GUCY1A2: variants seen among roughly 807,000 people sequenced by gnomAD.
GUCY1A2 encodes guanylate cyclase 1 soluble subunit alpha 2, also known as guanylate cyclase soluble subunit alpha-2.
A neutral mutation model predicts 63.5 loss-of-function variants in GUCY1A2; 27 were observed. The ratio of observed to expected loss-of-function variants is 0.43; its 90% confidence interval spans 0.31 to 0.59. The LOEUF (loss-of-function observed/expected upper bound fraction) is 0.59, where lower values mean the gene tolerates loss of function less well. Ranked by LOEUF, GUCY1A2 falls within the 20% of genes least tolerant of loss-of-function variation. GUCY1A2 has a pLI of 0.11. For synonymous variants in GUCY1A2, 364 were observed against 343.5 expected, an observed-to-expected ratio of 1.06 and a Z score of -0.66; for missense variants, 768 against 913.3, an observed-to-expected ratio of 0.84 and a Z score of 2.05.
In GUCY1A2 at chr11:106,918,509, A is replaced by G. The variant is rs1469656578; in HGVS notation, c.1206+20951T>C. On this transcript the variant is annotated intron_variant, in intron 4 of 7. Coordinates refer to ENST00000526355, the MANE Select transcript of GUCY1A2 (RefSeq NM_000855.3). ...CATATTCTTCCTCGCCATGGACATC[A>G]GACATACATAAACACACACAAATTC... is the stretch of plus-strand genomic sequence containing the variant. Among the ~76,000 whole-genome samples, 2 of 145,792 alleles carry G rather than the reference A, an allele frequency of 1.4e-5. 1 individual carries two copies. Among genetic ancestry groups the G allele is most frequent in the Non-Finnish European group, 3.1e-5 (2 of 64,894 alleles).
At chr11:106,726,985 A>G (rs570761880) in intron 6 of GUCY1A2, among the ~76,000 whole-genome samples, 120 of 152,330 alleles carry the variant, frequency 7.9e-4, no homozygotes, top group African/African-American at 2.8e-3. Context: ...AATATTTAAA[A>G]GATTCGTAAT....
chr11:106,842,659 G>C (rs1859215795), intron 4 of GUCY1A2, among the ~76,000 whole-genome samples: 1 of 151,950 alleles, frequency 6.6e-6, no homozygotes, highest in African/African-American at 2.4e-5. Context: ...AGTTGCATCT[G>C]TATTTAGAGC....
chr11:106,715,253 A>T (rs1210490888), intron 6 of GUCY1A2, among the ~76,000 whole-genome samples: 1 of 152,208 alleles, frequency 6.6e-6, no homozygotes, highest in Non-Finnish European at 1.5e-5. Context: ...GCACAGTTCC[A>T]TCTCAGCAAG....
At chr11:107,002,316 A>C (rs927409902) in intron 1 of GUCY1A2, among the ~76,000 whole-genome samples, 6 of 152,012 alleles carry the variant, frequency 3.9e-5, no homozygotes, top group Non-Finnish European at 8.8e-5. Flanking sequence ...CCTTTCTACC[A>C]GTATCAAAAA....
chr11:106,985,676 G>A (rs893803520), intron 2 of GUCY1A2, among the ~76,000 whole-genome samples: 2 of 152,170 alleles, frequency 1.3e-5, no homozygotes, highest in African/African-American at 2.4e-5. Context: ...ACTGAACTGT[G>A]TTAAGGCTGT....
chr11:106,808,189 T>G (rs912066834), intron 5 of GUCY1A2, among the ~76,000 whole-genome samples: 14 of 151,948 alleles, frequency 9.2e-5, no homozygotes, highest in Non-Finnish European at 4.4e-5. Flanking sequence ...CCTGGAATCT[T>G]TAGTTGTAAT....
intron 4 of GUCY1A2, among the ~76,000 whole-genome samples, chr11:106,852,223 A>T (rs1237411141): frequency 6.6e-6 from 1 of 151,868 alleles, no homozygotes; most frequent in African/African-American, 2.4e-5. Flanking sequence ...TGGGGTCTTT[A>T]GGTTTTCTTA....
intron 4 of GUCY1A2, among the ~76,000 whole-genome samples, chr11:106,915,897 A>C: frequency 6.9e-6 from 1 of 144,772 alleles, no homozygotes; most frequent in African/African-American, 2.4e-5. Context: ...TCTGGGACCT[A>C]ACCTGAAATA....
At chr11:106,722,132 C>T (rs1327529328) in intron 6 of GUCY1A2, among the ~76,000 whole-genome samples, 1 of 152,070 alleles carries the variant, frequency 6.6e-6, no homozygotes, top group Non-Finnish European at 1.5e-5. Flanking sequence ...TTCCTCTTTC[C>T]CTCTTCTAAA....
At chr11:106,999,601 G>A (rs144861821) in intron 1 of GUCY1A2, among the ~76,000 whole-genome samples, 2,060 of 152,130 alleles carry the variant, frequency 0.014, 28 homozygotes, top group South Asian at 0.045. Context: ...CCTTATTAGC[G>A]GATTCATATT....
intron 6 of GUCY1A2, among the ~76,000 whole-genome samples, chr11:106,745,925 T>A (rs1379501074): frequency 6.6e-6 from 1 of 152,256 alleles, no homozygotes; most frequent in Non-Finnish European, 1.5e-5. Flanking sequence ...TTGTAGGCTT[T>A]TGCTTTGAAG....
At chr11:106,827,816 A>C (rs1055541648) in intron 4 of GUCY1A2, 56 of 1,597,496 alleles carry the variant, frequency 3.5e-5, no homozygotes, top group Non-Finnish European at 4.5e-5. Flanking sequence ...ACTGCTCCGC[A>C]CAAGTGACGC....
chr11:106,704,748 A>G (rs558457951), intron 7 of GUCY1A2, among the ~76,000 whole-genome samples: 12 of 152,136 alleles, frequency 7.9e-5, no homozygotes, highest in Non-Finnish European at 8.8e-5. Flanking sequence ...ATTTATTTCA[A>G]AATTTGCTAA....
At chr11:106,972,627 G>C (rs1205017588) in intron 3 of GUCY1A2, among the ~76,000 whole-genome samples, 1 of 152,030 alleles carries the variant, frequency 6.6e-6, no homozygotes, top group Non-Finnish European at 1.5e-5. Flanking sequence ...AATTTAGCAG[G>C]ACAAATGGGA....
intron 4 of GUCY1A2, among the ~76,000 whole-genome samples, chr11:106,894,366 C>T (rs998302929): frequency 3.9e-5 from 6 of 152,184 alleles, no homozygotes; most frequent in African/African-American, 1.4e-4. Context: ...GAGACTTCAA[C>T]ACCACTGTAC....
chr11:106,980,663 G>A (rs1442674944), intron 2 of GUCY1A2, among the ~76,000 whole-genome samples: 1 of 152,188 alleles, frequency 6.6e-6, no homozygotes, highest in Non-Finnish European at 1.5e-5. Flanking sequence ...GAAATACTTG[G>A]AAAACAGAGC....
intron 4 of GUCY1A2, among the ~76,000 whole-genome samples, chr11:106,812,605 G>A (rs1158943489): frequency 6.6e-6 from 1 of 151,622 alleles, no homozygotes; most frequent in Non-Finnish European, 1.5e-5. Flanking sequence ...TGTGGAATTA[G>A]TGTATGTATG....
In GUCY1A2 at chr11:106,709,173, CTATA is replaced by C. The variant is rs1565264464; in HGVS notation, c.1837-511_1837-508del. Among the ~76,000 whole-genome samples, 4 of 117,316 alleles carry C rather than the reference CTATA, an allele frequency of 3.4e-5. No homozygotes were observed. The East Asian group carries it at 9.3e-4, about 27-fold the overall frequency. The allele number at this position is 117,316 out of a possible 152,430, so 77.0% of individuals were successfully genotyped here. On this transcript the variant is annotated intron_variant, in intron 6 of 7. Coordinates refer to ENST00000526355, the MANE Select transcript of GUCY1A2 (RefSeq NM_000855.3). ...ATATACATGTATATAATATATATAA[CTATA>C]TATTATATATAACTATATATAATAT...
intron 6 of GUCY1A2, among the ~76,000 whole-genome samples, chr11:106,720,220 T>G (rs113686382): frequency 1.3e-4 from 20 of 152,346 alleles, no homozygotes; most frequent in African/African-American, 4.8e-4. Flanking sequence ...ACAAAACAGT[T>G]TGGGTGGCAA....
Sources: allele counts gnomAD v4.1 joint callset (sites outside exome capture counted in the v4.1 genomes callset), GRCh38; gene constraint gnomAD v4.1.1; transcripts MANE v1.5; gene names NCBI Gene and HGNC (gene_info 2026-07-23, HGNC 2026-07-21).